The following LRFN2 variants were observed in gnomAD, a reference collection of about 807,000 sequenced individuals.
LRFN2 encodes leucine-rich repeat and fibronectin type-III domain-containing protein 2.
LRFN2 carries 18 observed loss-of-function variants against 37.3 expected under a neutral mutation model. That is an observed-to-expected ratio of 0.48 (90% CI 0.33 to 0.72). LRFN2 has a LOEUF of 0.72. LRFN2 is among the 30% of genes least tolerant of loss of function. LRFN2 has a pLI of 0.02. For missense variants in LRFN2, 1,006 were observed against 1,060.7 expected, an observed-to-expected ratio of 0.95 and a Z score of 0.72; for synonymous variants, 556 against 466.6, an observed-to-expected ratio of 1.19 and a Z score of -2.47.
intron 2 of LRFN2, among the ~76,000 whole-genome samples, chr6:40,395,892 G>A (rs1762604688): frequency 6.6e-6 from 1 of 152,170 alleles, no homozygotes; most frequent in African/African-American, 2.4e-5. Context: ...CACTTGAGAG[G>A]TGGATGGACA....
At chr6:40,446,591 T>C (rs73732618) in intron 1 of LRFN2, among the ~76,000 whole-genome samples, 2,924 of 152,338 alleles carry the variant, frequency 0.019, 95 homozygotes, top group African/African-American at 0.066. Context: ...TTAGCGGCGA[T>C]ATGTATACAT....
intron 1 of LRFN2, among the ~76,000 whole-genome samples, chr6:40,451,174 C>T (rs905234986): frequency 4.6e-5 from 7 of 152,186 alleles, no homozygotes; most frequent in South Asian, 2.1e-4. Context: ...TGATTGAAAT[C>T]GTATGCCACA....
chr6:40,475,325 A>C (rs896994102), intron 1 of LRFN2, among the ~76,000 whole-genome samples: 1 of 152,144 alleles, frequency 6.6e-6, no homozygotes, highest in African/African-American at 2.4e-5. Flanking sequence ...CTGGAGGAAA[A>C]ATGGAAAAGG....
At chr6:40,582,529 G>C (rs935664957) in intron 1 of LRFN2, among the ~76,000 whole-genome samples, 5 of 151,864 alleles carry the variant, frequency 3.3e-5, no homozygotes, top group African/African-American at 1.2e-4. Flanking sequence ...TATAGTTCCA[G>C]TCTGTTCCTC....
intron 2 of LRFN2, among the ~76,000 whole-genome samples, chr6:40,402,587 A>T (rs1486249235): frequency 6.6e-6 from 1 of 152,240 alleles, no homozygotes; most frequent in African/African-American, 2.4e-5. Context: ...TGAGGGAGGT[A>T]CTAGTCTTAT....
intron 1 of LRFN2, among the ~76,000 whole-genome samples, chr6:40,577,103 CCTT>C (rs1172199647): frequency 8.7e-4 from 101 of 115,938 alleles, no homozygotes; most frequent in South Asian, 2.1e-3. Flanking sequence ...CTTTTCTTTT[CCTT>C]TCTTTTCTTT....
chr6:40,532,546 A>G (rs1251222880), intron 1 of LRFN2, among the ~76,000 whole-genome samples: 1 of 152,170 alleles, frequency 6.6e-6, no homozygotes, highest in African/African-American at 2.4e-5. Context: ...TTGAAGATTA[A>G]ATCCAAGTTG....
chr6:40,545,133 A>G (rs989099054), intron 1 of LRFN2, among the ~76,000 whole-genome samples: 3 of 152,250 alleles, frequency 2.0e-5, no homozygotes, highest in Admixed American at 6.5e-5. Flanking sequence ...GAATTCATGC[A>G]AAGTGCTCAG....
intron 1 of LRFN2, among the ~76,000 whole-genome samples, chr6:40,481,502 C>A (rs1276736294): frequency 6.6e-6 from 1 of 151,408 alleles, no homozygotes; most frequent in Non-Finnish European, 1.5e-5. Flanking sequence ...GAAAAGCAGT[C>A]CCTGGTTCAG....
At chr6:40,512,043 C>A (rs1359121052) in intron 1 of LRFN2, among the ~76,000 whole-genome samples, 1 of 152,234 alleles carries the variant, frequency 6.6e-6, no homozygotes, top group East Asian at 1.9e-4. Context: ...ACTCCTGAGG[C>A]TGAAAGCCAG....
rs185596815 is a variant in LRFN2, at chr6:40,534,888, G to A, written c.-19+52053C>T. On this transcript the variant is annotated intron_variant, in intron 1 of 2. Transcript: ENST00000338305. The stretch of plus-strand genomic sequence containing the variant: ...CGCGCCCATCTTAGAAAATCCCTAG[G>A]CAATGAGTACCAGGATCTCATTTCA... Among the ~76,000 whole-genome samples, 610 of 152,236 alleles carry A rather than the reference G, an allele frequency of 4.0e-3. 3 individuals are homozygous for A. Among genetic ancestry groups the A allele is most frequent in the African/African-American group, 0.014 (575 of 41,538 alleles).
intron 2 of LRFN2, among the ~76,000 whole-genome samples, chr6:40,409,988 T>C (rs1039676581): frequency 6.6e-5 from 10 of 152,174 alleles, no homozygotes; most frequent in African/African-American, 2.4e-4. Flanking sequence ...TGATTCTCCC[T>C]GGATACCTCT....
intron 2 of LRFN2, among the ~76,000 whole-genome samples, chr6:40,420,320 C>A (rs890821660): frequency 6.6e-6 from 1 of 152,228 alleles, no homozygotes; most frequent in African/African-American, 2.4e-5. Context: ...TGTTGTGATC[C>A]CTTCTGTCAC....
intron 1 of LRFN2, among the ~76,000 whole-genome samples, chr6:40,536,799 C>G (rs550758267): frequency 4.4e-4 from 67 of 152,156 alleles, no homozygotes; most frequent in Non-Finnish European, 7.6e-4. Flanking sequence ...GGTGTGGAGC[C>G]TCCAAGACCT....
chr6:40,585,590 C>A (rs1238680977), intron 1 of LRFN2, among the ~76,000 whole-genome samples: 1 of 152,176 alleles, frequency 6.6e-6, no homozygotes, highest in Non-Finnish European at 1.5e-5. Flanking sequence ...AACCCCAAGA[C>A]CTAGTTCCCT....
In LRFN2 at chr6:40,561,261, T is replaced by C. The variant is rs1581795444; in HGVS notation, c.-19+25680A>G. On this transcript the variant is annotated intron_variant, in intron 1 of 2. Transcript: ENST00000338305. ...ACAGAAAAGAAAAGACAGAGCTGTGTGGGGTGCAGGAGAGCTGGCCTGGGC... is the reference window on the plus strand; with the variant it reads ...ACAGAAAAGAAAAGACAGAGCTGTGCGGGGTGCAGGAGAGCTGGCCTGGGC... 2.0e-5 allele frequency among the ~76,000 whole-genome samples: 3 copies of C among 152,246 alleles called. No individual in the cohort carries two copies. In the South Asian group the frequency reaches 6.2e-4, roughly 32 times the overall value.
intron 1 of LRFN2, among the ~76,000 whole-genome samples, chr6:40,523,019 C>T (rs181660049): frequency 1.1e-4 from 16 of 152,280 alleles, no homozygotes; most frequent in Middle Eastern, 3.4e-3. Flanking sequence ...ATCAGAATGG[C>T]GTTAGGGAGA....
chr6:40,396,625 C>A (rs1215331350), intron 2 of LRFN2, among the ~76,000 whole-genome samples: 3 of 151,558 alleles, frequency 2.0e-5, no homozygotes, highest in African/African-American at 7.3e-5. Context: ...ACAAGGCCAG[C>A]AGGAAAAGCC....
At chr6:40,468,146 G>A (rs890657291) in intron 1 of LRFN2, among the ~76,000 whole-genome samples, 1 of 152,094 alleles carries the variant, frequency 6.6e-6, no homozygotes, top group East Asian at 1.9e-4. Context: ...GGGACTCAGA[G>A]GTGAACCTTT....
Sources: allele counts gnomAD v4.1 joint callset (sites outside exome capture counted in the v4.1 genomes callset), GRCh38; gene constraint gnomAD v4.1.1; transcripts MANE v1.5; gene names NCBI Gene and HGNC (gene_info 2026-07-23, HGNC 2026-07-21).